Variants in PCDHGA10 observed in about 807,000 individuals in gnomAD.
PCDHGA10 encodes the protein protocadherin gamma subfamily A, 10.
PCDHGA10 carries 42 observed loss-of-function variants against 59.5 expected under a neutral mutation model. The ratio of observed to expected loss-of-function variants is 0.71; its 90% CI spans 0.55 to 0.91. The LOEUF is 0.91. Among genes scored for constraint, PCDHGA10 ranks in the 40% least tolerant of loss-of-function variants. PCDHGA10 has a pLI of 0.00. For synonymous variants in PCDHGA10, 511 were observed against 517.2 expected, an observed-to-expected ratio of 0.99 and a Z score of 0.16; for missense variants, 1,111 against 1,198.2, an observed-to-expected ratio of 0.93 and a Z score of 1.07.
chr5:141,480,152 C>G (rs2099513323), intron 1 of PCDHGA10, among the ~76,000 whole-genome samples: 1 of 151,928 alleles, frequency 6.6e-6, no homozygotes, highest in African/African-American at 2.4e-5. Context: ...TAGCCAGCTC[C>G]TAGCATTTTG....
At chr5:141,445,269 C>A (rs535300313) in intron 1 of PCDHGA10, among the ~76,000 whole-genome samples, 1 of 152,260 alleles carries the variant, frequency 6.6e-6, no homozygotes, top group Non-Finnish European at 1.5e-5. Flanking sequence ...AAGTCGAAAC[C>A]ACTCTGCATA....
At position 141,485,162 on chromosome 5, in the gene PCDHGA10, C is replaced by A. The variant is rs759021453; in HGVS notation, c.2437-9645C>A. The A allele has an allele frequency of 8.7e-6, 14 of 1,602,188 alleles. No individual in the cohort carries two copies. The Admixed American group carries it at 2.0e-4, about 23-fold the overall frequency. ...GTCTCAGGAGCAAGTAGAGAATTAGCGGGCGGCAGCAATGCTCCGCAAGGT... is the reference window on the plus strand; with the variant it reads ...GTCTCAGGAGCAAGTAGAGAATTAGAGGGCGGCAGCAATGCTCCGCAAGGT... On this transcript the variant is annotated intron_variant, in intron 1 of 3. Transcript: ENST00000398610. The surrounding 1 kb of genome is among the most constrained non-coding windows in gnomAD (Gnocchi z 5.7).
In PCDHGA10 at chr5:141,432,012, A is replaced by G. The variant is rs756906117; in HGVS notation, c.2436+16401A>G. ...TTGGATAGGGAACAGGTTCCTAGCT[A>G]CAACATCACAGTGACCGCCACTGAC... On this transcript the variant is annotated intron_variant, in intron 1 of 3. Transcript: ENST00000398610. The surrounding 1 kb of genome is among the most constrained non-coding windows in gnomAD (Gnocchi z 6.0). The G allele has an allele frequency of 1.1e-5, 18 of 1,614,056 alleles. No homozygotes were observed. The highest frequency in any genetic ancestry group is 1.3e-5 in the Non-Finnish European group (15 of 1,180,008).
chr5:141,419,945 T>TTGGCCTTGATTTCTG (rs1205104698), intron 1 of PCDHGA10: 6 of 1,613,970 alleles, frequency 3.7e-6, no homozygotes, highest in Non-Finnish European at 4.2e-6. Flanking sequence ...GGTGGTGGCC[T>TTGGCCTTGATTTCTG]TGGCCTTGAT....
chr5:141,483,811 C>A (rs1252197546), intron 1 of PCDHGA10, among the ~76,000 whole-genome samples: 1 of 152,102 alleles, frequency 6.6e-6, no homozygotes, highest in Non-Finnish European at 1.5e-5. Flanking sequence ...CTTTTTTTGG[C>A]AGCCAGTGTA....
intron 1 of PCDHGA10, among the ~76,000 whole-genome samples, chr5:141,438,615 TATATATATATATATATATATACACACAC>T (rs2098021754): frequency 1.1e-4 from 4 of 35,920 alleles, no homozygotes; most frequent in Non-Finnish European, 1.8e-4. Flanking sequence ...TATATATATA[TATATATATATATATATATATACACACAC>T]ACACACACAT....
In PCDHGA10 at chr5:141,431,777, G is replaced by C. The variant is rs151011884; in HGVS notation, c.2436+16166G>C. 1.2e-6 allele frequency: 2 copies of C among 1,614,188 alleles called. No individual in the cohort carries two copies. The highest frequency in any genetic ancestry group is 4.5e-5 in the East Asian group (2 of 44,870). ...CAAAGTCCTGATCACTGTTCTGGAC[G>C]TGAACGACAATGCCCCAGAAGTGGT... On this transcript the variant is annotated intron_variant, in intron 1 of 3. Coordinates refer to ENST00000398610, the MANE Select transcript of PCDHGA10 (RefSeq NM_018913.3). The surrounding 1 kb of genome is among the most constrained non-coding windows in gnomAD (Gnocchi z 4.8).
rs1035125527 is a variant in PCDHGA10, at chr5:141,485,059, C to T, written c.2437-9748C>T. The T allele has an allele frequency of 7.0e-6, 6 of 858,958 alleles. No homozygotes were observed. The highest frequency in any genetic ancestry group is 2.4e-5 in the East Asian group (1 of 40,854). 53.2% of individuals were successfully genotyped at this position (858,958 alleles called of 1,614,324 possible). A position where few individuals can be genotyped will look rare whatever the true frequency, so the allele number is the denominator to read the frequency against. ...AACCCTTGCGGCGCCGGCCGAACCG[C>T]GCCAGAGCTGGCGCGGGGAAAGGGA... On this transcript the variant is annotated intron_variant, in intron 1 of 3. Coordinates refer to ENST00000398610, the MANE Select transcript of PCDHGA10 (RefSeq NM_018913.3). This position sits in a 1 kb window ranked among gnomAD's most constrained non-coding sequence, Gnocchi z 5.7.
rs953182246 is a variant in PCDHGA10, at chr5:141,511,757, C to T, written c.*584C>T. ...CTCAAGTTTTGGAGGACATGATCAC[C>T]ATCCCCATGGTACTGATGCTTGCTG... is the stretch of plus-strand genomic sequence containing the variant. On this transcript the variant is annotated 3_prime_UTR_variant, in exon 4 of 4. Coordinates refer to ENST00000398610, the MANE Select transcript of PCDHGA10 (RefSeq NM_018913.3). The T allele has an allele frequency of 6.9e-5, 12 of 174,122 alleles. No individual in the cohort carries two copies. The highest frequency in any genetic ancestry group is 2.8e-4 in the African/African-American group (12 of 42,412). The allele number at this position is 174,122 out of a possible 1,614,324, so 10.8% of individuals were successfully genotyped here.
In PCDHGA10 at chr5:141,414,051, A is replaced by G. The variant is rs747091153; in HGVS notation, c.876A>G (p.Gln292=). ...CATTCCGAAAATTACCTGACACGCA[A>G]TTGTTGAAGTTCCAACTAAACAAAT... ...TYSFRKLPDT[Q]LLKFQLNKYT... Residue 292 remains glutamine (Q), a synonymous_variant, in exon 1 of 4, where the codon CAA becomes CAG. Coordinates refer to ENST00000398610, the MANE Select transcript of PCDHGA10 (RefSeq NM_018913.3). 5.0e-6 allele frequency: 8 copies of G among 1,610,748 alleles called. No individual in the cohort carries two copies. The Admixed American group carries it at 8.4e-5, about 17-fold the overall frequency.
intron 1 of PCDHGA10, chr5:141,424,778 T>G (rs1009835492): frequency 1.3e-5 from 2 of 152,166 alleles, no homozygotes; most frequent in African/African-American, 4.8e-5. Flanking sequence ...AATAGTACAT[T>G]CAGTTCTTTT....
Position 141,487,071 on chromosome 5 carries a change from C to A in PCDHGA10, c.2437-7736C>A. On this transcript the variant is annotated intron_variant, in intron 1 of 3. Coordinates refer to ENST00000398610, the MANE Select transcript of PCDHGA10 (RefSeq NM_018913.3). The surrounding 1 kb of genome is among the most constrained non-coding windows in gnomAD (Gnocchi z 5.0). ...GCTGGGGAGGTGCGGACGGCTGTTC[C>A]TATCCCAGCTGACCTCCCACCACAG... is the stretch of plus-strand genomic sequence containing the variant. The A allele has an allele frequency of 6.2e-7, 1 of 1,614,148 alleles. No individual in the cohort carries two copies. Among genetic ancestry groups the A allele is most frequent in the Non-Finnish European group, 8.5e-7 (1 of 1,180,002 alleles).
At chr5:141,455,208 A>G (rs1450523873) in intron 1 of PCDHGA10, among the ~76,000 whole-genome samples, 1 of 151,996 alleles carries the variant, frequency 6.6e-6, no homozygotes, top group Non-Finnish European at 1.5e-5. Context: ...AACCAATAAG[A>G]GTTTTTAATG....
At position 141,430,558 on chromosome 5, in the gene PCDHGA10, G is replaced by A. The variant is rs1472516429; in HGVS notation, c.2436+14947G>A. 2.2e-5 allele frequency: 9 copies of A among 417,488 alleles called. No homozygotes were observed. In the East Asian group the frequency reaches 3.3e-4, roughly 15 times the overall value. The allele number at this position is 417,488 out of a possible 1,614,324, so 25.9% of individuals were successfully genotyped here. On this transcript the variant is annotated intron_variant, in intron 1 of 3. Transcript: ENST00000398610. ...TCTGAGCGCCGCTGTTCACCAATCGGGGAGAGAAAAGCGGAGATCCTGCTC... is the reference window on the plus strand; with the variant it reads ...TCTGAGCGCCGCTGTTCACCAATCGAGGAGAGAAAAGCGGAGATCCTGCTC...
chr5:141,439,364 G>A (rs1561894836), intron 1 of PCDHGA10, among the ~76,000 whole-genome samples: 2 of 152,142 alleles, frequency 1.3e-5, no homozygotes, highest in Admixed American at 1.3e-4. Context: ...CAAACATCAA[G>A]AAGAAATAAA....
chr5:141,420,179 T>C (rs1420076172), intron 1 of PCDHGA10: 16 of 1,614,054 alleles, frequency 9.9e-6, no homozygotes, highest in Non-Finnish European at 1.2e-5. Flanking sequence ...TGTTGATCAT[T>C]GTCCAGCCAC....
At chr5:141,443,093 C>T (rs1316602934) in intron 1 of PCDHGA10, among the ~76,000 whole-genome samples, 2 of 151,940 alleles carry the variant, frequency 1.3e-5, no homozygotes, top group African/African-American at 4.8e-5. Flanking sequence ...CAGTCTCCTT[C>T]TCAAGCTGAA....
chr5:141,497,793 G>A (rs2099779480), intron 2 of PCDHGA10, among the ~76,000 whole-genome samples: 1 of 152,180 alleles, frequency 6.6e-6, no homozygotes, highest in Admixed American at 6.5e-5. Flanking sequence ...ACCTGCTTCA[G>A]CTTCCCAAAG....
intron 3 of PCDHGA10, 89 bp from the exon 4 acceptor site, chr5:141,510,858 T>G: frequency 6.2e-7 from 1 of 1,606,182 alleles, no homozygotes; most frequent in Non-Finnish European, 8.5e-7. Context: ...GGGTGCTGTA[T>G]AGGCATTCAT....
Sources: gnomAD v4.1 joint callset for allele counts (sites outside exome capture counted in the v4.1 genomes callset) on GRCh38, gnomAD v4.1.1 for gene constraint, Gnocchi (gnomAD v3.1) non-coding constraint, MANE v1.5 for transcripts, NCBI Gene and HGNC (gene_info 2026-07-23, HGNC 2026-07-21) for gene names.